The following ANO3 variants were observed in gnomAD, a reference collection of about 807,000 sequenced individuals.
The protein encoded by ANO3 is anoctamin 3.
Under a neutral mutation model 144.8 loss-of-function variants are expected in ANO3, and 99 were observed. That is an observed-to-expected ratio of 0.68 (90% CI 0.58 to 0.81). The LOEUF is 0.81. Ranked by LOEUF, ANO3 falls within the 30% of genes least tolerant of loss-of-function variation. The pLI is 0.00. For synonymous variants in ANO3, 414 were observed against 392.6 expected (o/e 1.05, Z -0.64); for missense variants, 905 against 1,202.2 (o/e 0.75, Z 3.66).
rs1373966850 is a variant in ANO3, at chr11:26,547,491, A to G, written c.1230A>G (p.Ala410=). ...ATACTGGAATGTTGATTCCTGCAGC[A>G]ATTGTTGGTTTGTGCGTTTTCTTCT... The part of the protein sequence containing the change: ...GWYTGMLIPA[A]IVGLCVFFYG... Residue 410 remains alanine, a synonymous_variant, in exon 12 of 27, where the codon GCA becomes GCG. Coordinates refer to ENST00000256737, the MANE Select transcript of ANO3 (RefSeq NM_031418.4). 2 of 1,611,980 alleles carry G rather than the reference A, an allele frequency of 1.2e-6. No homozygotes were observed. Among genetic ancestry groups the G allele is most frequent in the Non-Finnish European group, 1.7e-6 (2 of 1,178,596 alleles).
At chr11:26,575,390 G>A (rs1322813622) in intron 14 of ANO3, among the ~76,000 whole-genome samples, 1 of 151,740 alleles carries the variant, frequency 6.6e-6, no homozygotes, top group Non-Finnish European at 1.5e-5. Flanking sequence ...AGAGTACTAT[G>A]CAAGATAATC....
At chr11:26,473,853 A>T in intron 4 of ANO3, 1 of 893,210 alleles carries the variant, frequency 1.1e-6, no homozygotes. Context: ...AAATGAAATT[A>T]ATAAAAAATA....
rs1852549838 is a variant in ANO3, at chr11:26,625,356, G to A, written c.1873+858G>A. On this transcript the variant is annotated intron_variant, in intron 18 of 26. Coordinates refer to ENST00000256737, the MANE Select transcript of ANO3 (RefSeq NM_031418.4). ...CCATTATACAAGTATGAATTATTAAGACTTAGCTCTTAATGTTCCCTGCAG... is the reference window on the plus strand; with the variant it reads ...CCATTATACAAGTATGAATTATTAAAACTTAGCTCTTAATGTTCCCTGCAG... 3.9e-5 allele frequency among the ~76,000 whole-genome samples: 6 copies of A among 152,080 alleles called. No homozygotes were observed. In the South Asian group the frequency reaches 1.2e-3, roughly 32 times the overall value.
At chr11:26,521,685 A>C (rs450105) in intron 6 of ANO3, among the ~76,000 whole-genome samples, 152,032 of 152,238 alleles carry the variant, frequency 1, 75,914 homozygotes, top group Middle Eastern at 1. Flanking sequence ...ATGTCAGATC[A>C]TTTTAGCATT....
chr11:26,375,102 C>A (rs1023846953), intron 1 of ANO3, among the ~76,000 whole-genome samples: 4 of 152,064 alleles, frequency 2.6e-5, no homozygotes, highest in African/African-American at 9.7e-5. Context: ...TCAGTGGGAG[C>A]CTTGAGTTTA....
chr11:26,495,250 G>T (rs12290380), intron 4 of ANO3, among the ~76,000 whole-genome samples: 89,797 of 149,512 alleles, frequency 0.6, 27,608 homozygotes, highest in East Asian at 0.68. Context: ...GAATACAGAC[G>T]TGCCACCACG....
At chr11:26,312,106 G>T (rs1854514251) in intron 1 of ANO3, among the ~76,000 whole-genome samples, 1 of 152,126 alleles carries the variant, frequency 6.6e-6, no homozygotes, top group Non-Finnish European at 1.5e-5. Context: ...TTGGTTTTCT[G>T]TCCTTGCGAT....
intron 6 of ANO3, among the ~76,000 whole-genome samples, chr11:26,524,370 C>T (rs1451301193): frequency 6.6e-6 from 1 of 152,120 alleles, no homozygotes; most frequent in Non-Finnish European, 1.5e-5. Flanking sequence ...GGCAATATGA[C>T]TGCAGTGAAA....
chr11:26,508,589 G>T (rs926876324), intron 5 of ANO3: 2 of 278,640 alleles, frequency 7.2e-6, no homozygotes, highest in Non-Finnish European at 1.3e-5. Context: ...TTTGCCAAAC[G>T]ATTAATGTCT....
At chr11:26,243,755 A>G (rs933783924) in intron 1 of ANO3, among the ~76,000 whole-genome samples, 1 of 152,120 alleles carries the variant, frequency 6.6e-6, no homozygotes, top group African/African-American at 2.4e-5. Flanking sequence ...GGGTTTTTTA[A>G]TAATTCAAAT....
intron 4 of ANO3, among the ~76,000 whole-genome samples, chr11:26,497,799 C>G (rs1861027550): frequency 6.6e-6 from 1 of 151,942 alleles, no homozygotes; most frequent in Non-Finnish European, 1.5e-5. Flanking sequence ...AAATTTTACT[C>G]CCCAAATTCC....
At chr11:26,605,439 A>G (rs182505685) in intron 17 of ANO3, among the ~76,000 whole-genome samples, 1 of 152,312 alleles carries the variant, frequency 6.6e-6, no homozygotes, top group African/African-American at 2.4e-5. Flanking sequence ...TTCTGGCCTC[A>G]TAAAATGAAA....
intron 6 of ANO3, among the ~76,000 whole-genome samples, chr11:26,521,318 C>T (rs1862065642): frequency 6.6e-6 from 1 of 152,164 alleles, no homozygotes; most frequent in South Asian, 2.1e-4. Flanking sequence ...AAATTTTACT[C>T]ATACAGAGCA....
intron 1 of ANO3, among the ~76,000 whole-genome samples, chr11:26,340,113 A>G (rs1855316525): frequency 6.6e-6 from 1 of 152,212 alleles, no homozygotes; most frequent in Non-Finnish European, 1.5e-5. Context: ...TACATTTCTT[A>G]TCATCGTACT....
chr11:26,467,004 A>T (rs1428790855), intron 4 of ANO3, among the ~76,000 whole-genome samples: 1 of 152,066 alleles, frequency 6.6e-6, no homozygotes, highest in Non-Finnish European at 1.5e-5. Context: ...CAACCTATCT[A>T]AAACTTTCTA....
intron 1 of ANO3, among the ~76,000 whole-genome samples, chr11:26,255,380 C>T (rs1853032844): frequency 6.6e-6 from 1 of 152,142 alleles, no homozygotes; most frequent in Non-Finnish European, 1.5e-5. Context: ...ACTACTCCAA[C>T]TCAGATACTT....
intron 1 of ANO3, among the ~76,000 whole-genome samples, chr11:26,235,988 C>G (rs1852513414): frequency 6.6e-6 from 1 of 151,986 alleles, no homozygotes; most frequent in Admixed American, 6.6e-5. Context: ...CACAAATGAG[C>G]AAAAATATGT....
intron 4 of ANO3, among the ~76,000 whole-genome samples, chr11:26,470,289 G>A (rs1323358736): frequency 6.6e-6 from 1 of 151,702 alleles, no homozygotes; most frequent in Admixed American, 6.6e-5. Flanking sequence ...GCACATACCT[G>A]TAGTCCCAAC....
chr11:26,624,617 A>G (rs1479296678), intron 18 of ANO3, 119 bp downstream of exon 18: 13 of 718,468 alleles, frequency 1.8e-5, no homozygotes, highest in East Asian at 7.8e-5. Context: ...GTATTTACCA[A>G]TTAAAAAGGA....
Sources: gnomAD v4.1 joint callset for allele counts (sites outside exome capture counted in the v4.1 genomes callset) on GRCh38, gnomAD v4.1.1 for gene constraint, MANE v1.5 for transcripts, NCBI Gene and HGNC (gene_info 2026-07-23, HGNC 2026-07-21) for gene names.